The following SLC38A1 variants were observed in gnomAD, a reference collection of about 807,000 sequenced individuals.
The protein encoded by SLC38A1 is sodium-coupled neutral amino acid symporter 1.
In SLC38A1, 18 loss-of-function variants were observed where a neutral mutation model predicts 60.3. The observed-to-expected ratio is 0.30, with a 90% CI of 0.21 to 0.44. SLC38A1 has a LOEUF of 0.44. SLC38A1 is among the 20% of genes least tolerant of loss of function. The probability of loss-of-function intolerance (pLI) is 1.00; values close to 1 mark genes in which losing one functional copy is unlikely to be tolerated. For synonymous variants in SLC38A1, 196 were observed against 212.1 expected (o/e 0.92, Z 0.66); for missense variants, 448 against 587.2 (o/e 0.76, Z 2.45).
intron 5 of SLC38A1, among the ~76,000 whole-genome samples, chr12:46,215,785 C>A (rs1940383430): frequency 6.6e-6 from 1 of 152,146 alleles, no homozygotes; most frequent in African/African-American, 2.4e-5. Context: ...TCTTCTAGAT[C>A]CAGTTAGAAG....
intron 5 of SLC38A1, among the ~76,000 whole-genome samples, chr12:46,210,822 G>A (rs1011249278): frequency 6.6e-6 from 1 of 152,204 alleles, no homozygotes; most frequent in Non-Finnish European, 1.5e-5. Context: ...GGAACTGTGA[G>A]TCTGTTAAAC....
At chr12:46,242,773 A>G (rs1941488782) in intron 2 of SLC38A1, among the ~76,000 whole-genome samples, 1 of 152,106 alleles carries the variant, frequency 6.6e-6, no homozygotes, top group African/African-American at 2.4e-5. Flanking sequence ...CTGTGCTCCA[A>G]CCTGGGCAAC....
At chr12:46,210,266 T>A (rs978098346) in intron 5 of SLC38A1, among the ~76,000 whole-genome samples, 1 of 152,162 alleles carries the variant, frequency 6.6e-6, no homozygotes, top group African/African-American at 2.4e-5. Context: ...TTGTTTCTCC[T>A]GCATACGGGG....
chr12:46,189,288 A>C (rs1939044725), intron 16 of SLC38A1, among the ~76,000 whole-genome samples: 2 of 152,060 alleles, frequency 1.3e-5, no homozygotes, highest in Admixed American at 1.3e-4. Context: ...CTAGCTAAGC[A>C]GAGTAGTCCT....
intron 13 of SLC38A1, among the ~76,000 whole-genome samples, 184 bp from the exon 14 acceptor site, chr12:46,198,927 C>A (rs577077752): frequency 6.6e-6 from 1 of 152,086 alleles, no homozygotes; most frequent in African/African-American, 2.4e-5. Flanking sequence ...ACTGTGCATA[C>A]GCGACTTAGC....
At chr12:46,225,445 T>C (rs1488496621) in intron 5 of SLC38A1, among the ~76,000 whole-genome samples, 1 of 152,176 alleles carries the variant, frequency 6.6e-6, no homozygotes, top group Non-Finnish European at 1.5e-5. Flanking sequence ...AGGCATACTC[T>C]AATGAAAATT....
chr12:46,230,079 C>G (rs1210989736), intron 3 of SLC38A1, among the ~76,000 whole-genome samples: 3 of 152,098 alleles, frequency 2.0e-5, no homozygotes, highest in Non-Finnish European at 4.4e-5. Context: ...TAGATAATAT[C>G]AAGACTACTA....
chr12:46,199,350 TG>T, intron 13 of SLC38A1, among the ~76,000 whole-genome samples: 1 of 146,024 alleles, frequency 6.8e-6, no homozygotes, highest in South Asian at 2.2e-4. Context: ...TGTGTGTGTG[TG>T]TGTGTGTGTT....
chr12:46,210,088 A>G (rs1277104996), intron 5 of SLC38A1, among the ~76,000 whole-genome samples: 1 of 152,168 alleles, frequency 6.6e-6, no homozygotes, highest in Non-Finnish European at 1.5e-5. Flanking sequence ...GGCACTTGGC[A>G]CATCATGCCG....
In SLC38A1 at chr12:46,202,604, C is replaced by T. The variant is rs1592076836; in HGVS notation, c.902+406G>A. On this transcript the variant is annotated intron_variant, in intron 12 of 16. Coordinates refer to ENST00000398637, the MANE Select transcript of SLC38A1 (RefSeq NM_030674.4). ...TGTCTGATTTACTAGCCTTTTCACCCAAACCCACAGGCAAATCAGAGACGA... is the reference window on the plus strand; with the variant it reads ...TGTCTGATTTACTAGCCTTTTCACCTAAACCCACAGGCAAATCAGAGACGA... Among the ~76,000 whole-genome samples the T allele has an allele frequency of 2.6e-5, 4 of 152,272 alleles. No homozygotes were observed. The South Asian group carries it at 8.3e-4, about 32-fold the overall frequency.
At chr12:46,189,452 C>G (rs1449224318) in intron 16 of SLC38A1, among the ~76,000 whole-genome samples, 3 of 152,104 alleles carry the variant, frequency 2.0e-5, no homozygotes, top group African/African-American at 7.2e-5. Flanking sequence ...TATTCATTAC[C>G]TACCAACTTA....
chr12:46,258,997 T>G (rs1942117331), intron 1 of SLC38A1, among the ~76,000 whole-genome samples: 1 of 152,174 alleles, frequency 6.6e-6, no homozygotes, highest in African/African-American at 2.4e-5. Flanking sequence ...CCTGTAATAT[T>G]GTATTATATA....
intron 2 of SLC38A1, among the ~76,000 whole-genome samples, chr12:46,242,598 CAAAAAACAAACAACAACA>C (rs1407053766): frequency 6.6e-6 from 1 of 151,574 alleles, no homozygotes; most frequent in Non-Finnish European, 1.5e-5. Flanking sequence ...CCCGTCTCTA[CAAAAAACAAACAACAACA>C]AAAAAACAAA....
Position 46,198,672 on chromosome 12 carries a change from C to T in SLC38A1, c.1075G>A (p.Ala359Thr). Residue 359 changes from alanine to threonine, a missense_variant, in exon 14 of 17, where the codon GCT becomes ACT. Ala to Thr is a moderately conservative substitution (Grantham distance 58). Around this residue, in one of 2 missense-constraint regions of SLC38A1, gnomAD observed 346 missense variants for 497.5 expected, o/e 0.70. Coordinates refer to ENST00000398637, the MANE Select transcript of SLC38A1 (RefSeq NM_030674.4). ...DDILILTVRL[A>T]VIVAVILTVP... ...GTGAGGATCACAGCAACAATGACAG[C>T]CAGCCGCACTGTCAGGATGAGAATG... 6.2e-7 allele frequency: 1 copy of T among 1,613,512 alleles called. No individual in the cohort carries two copies. The highest frequency in any genetic ancestry group is 8.5e-7 in the Non-Finnish European group (1 of 1,179,734).
intron 1 of SLC38A1, among the ~76,000 whole-genome samples, chr12:46,244,948 C>A (rs965331003): frequency 1.1e-4 from 16 of 152,116 alleles, no homozygotes; most frequent in Middle Eastern, 3.4e-3. Flanking sequence ...GTATAATGAA[C>A]TCCCATATAC....
chr12:46,216,202 C>T (rs1399719342), intron 5 of SLC38A1, among the ~76,000 whole-genome samples: 1 of 152,148 alleles, frequency 6.6e-6, no homozygotes, highest in Non-Finnish European at 1.5e-5. Context: ...CCTGCTTCTC[C>T]ATCCCCACCC....
chr12:46,195,556 T>C (rs116910033), intron 16 of SLC38A1, among the ~76,000 whole-genome samples: 1 of 152,192 alleles, frequency 6.6e-6, no homozygotes, highest in African/African-American at 2.4e-5. Context: ...AGAGGTGGAA[T>C]CTATAGAGGC....
chr12:46,251,693 TC>T, intron 1 of SLC38A1, among the ~76,000 whole-genome samples: 1 of 152,076 alleles, frequency 6.6e-6, no homozygotes, highest in South Asian at 2.1e-4. Flanking sequence ...AACAGACACT[TC>T]TCAAAAAAGA....
At chr12:46,218,290 C>T (rs930727027) in intron 5 of SLC38A1, among the ~76,000 whole-genome samples, 1 of 151,860 alleles carries the variant, frequency 6.6e-6, no homozygotes, top group Non-Finnish European at 1.5e-5. Context: ...CCCTTCTCCT[C>T]AAACCTAGAT....
Sources: gnomAD v4.1 joint callset for allele counts (sites outside exome capture counted in the v4.1 genomes callset) on GRCh38, gnomAD v4.1.1 for gene constraint, gnomAD v4.1.1 regional missense constraint, MANE v1.5 for transcripts, NCBI Gene and HGNC (gene_info 2026-07-23, HGNC 2026-07-21) for gene names.